PCDHA6: variants seen among roughly 807,000 people sequenced by gnomAD.
PCDHA6 encodes protocadherin alpha-6.
A neutral mutation model predicts 60.3 loss-of-function variants in PCDHA6; 55 were observed. The ratio of observed to expected loss-of-function variants is 0.91; its 90% CI spans 0.73 to 1.14. PCDHA6 has a LOEUF of 1.14. Among genes scored for constraint, PCDHA6 ranks in the 50% most tolerant of loss-of-function variants. PCDHA6 has a pLI of 0.00. For missense variants in PCDHA6, 1,327 were observed against 1,256.5 expected, an observed-to-expected ratio of 1.06 and a Z score of -0.85; for synonymous variants, 652 against 557.9, an observed-to-expected ratio of 1.17 and a Z score of -2.38.
rs143363926 is a variant in PCDHA6 at position 140,919,499 on chromosome 5, C to T, written c.2395-59450C>T. Among the ~76,000 whole-genome samples the T allele has an allele frequency of 1.8e-4, 27 of 152,124 alleles. No homozygotes were observed. In the East Asian group the frequency reaches 5.2e-3, roughly 29 times the overall value. ...TGGATTTATGTTTGTTATTTTACTCCTTTTTCTATATGTTTTAATTCTCTT... is the reference window on the plus strand; with the variant it reads ...TGGATTTATGTTTGTTATTTTACTCTTTTTTCTATATGTTTTAATTCTCTT... On this transcript the variant is annotated intron_variant, in intron 1 of 3. Coordinates refer to ENST00000529310, the MANE Select transcript of PCDHA6 (RefSeq NM_018909.4).
At chr5:140,950,343 A>C (rs1169343189) in intron 1 of PCDHA6, among the ~76,000 whole-genome samples, 9 of 151,988 alleles carry the variant, frequency 5.9e-5, no homozygotes, top group African/African-American at 2.2e-4. Context: ...GATTTATCTT[A>C]GTTTTCCTTT....
chr5:140,868,477 A>T (rs1165630673), intron 1 of PCDHA6: 1 of 152,380 alleles, frequency 6.6e-6, no homozygotes, highest in Non-Finnish European at 1.5e-5. Flanking sequence ...ATAAAACTTC[A>T]ATTTTTTCTT....
chr5:140,980,427 C>T (rs551274468), intron 2 of PCDHA6, among the ~76,000 whole-genome samples: 2 of 152,198 alleles, frequency 1.3e-5, no homozygotes, highest in South Asian at 2.1e-4. Flanking sequence ...GTCAAGAGAT[C>T]GAGACCATCC....
chr5:140,891,122 G>T (rs572236105), intron 1 of PCDHA6, among the ~76,000 whole-genome samples: 1 of 152,256 alleles, frequency 6.6e-6, no homozygotes, highest in East Asian at 1.9e-4. Context: ...CAATCTAAAT[G>T]TCATTCCTTT....
chr5:140,945,948 C>T (rs782232521), intron 1 of PCDHA6, among the ~76,000 whole-genome samples: 6 of 151,900 alleles, frequency 3.9e-5, no homozygotes, highest in Non-Finnish European at 5.9e-5. Context: ...TTTTATATGA[C>T]CCTGAAAGCA....
chr5:140,856,423 T>G (rs1266159746), intron 1 of PCDHA6: 1 of 1,598,178 alleles, frequency 6.3e-7, no homozygotes, highest in East Asian at 2.2e-5. Context: ...TGAAGGACAT[T>G]AACGACAACC....
intron 1 of PCDHA6, chr5:140,884,006 C>T (rs369069323): frequency 1.2e-6 from 2 of 1,612,906 alleles, no homozygotes; most frequent in African/African-American, 2.7e-5. Context: ...AGTGAGCGAG[C>T]TGATGCCGCG....
At chr5:140,843,429 C>T (rs2150359763) in intron 1 of PCDHA6, 1 of 1,596,144 alleles carries the variant, frequency 6.3e-7, no homozygotes, top group Non-Finnish European at 8.6e-7. Context: ...CTGATCATCG[C>T]CATCTGCGCG....
At chr5:140,886,330 T>C (rs1403720039) in intron 1 of PCDHA6, among the ~76,000 whole-genome samples, 1 of 152,192 alleles carries the variant, frequency 6.6e-6, no homozygotes, top group Admixed American at 6.5e-5. Context: ...CTGGGATACA[T>C]GTGCAGAACG....
At position 140,871,233 on chromosome 5, in the gene PCDHA6, G is replaced by A. The variant is rs1277389723; in HGVS notation, c.2394+40748G>A. 5 of 1,613,838 alleles carry A rather than the reference G, an allele frequency of 3.1e-6. No individual in the cohort carries two copies. The African/African-American group carries it at 6.7e-5, about 22-fold the overall frequency. On this transcript the variant is annotated intron_variant, in intron 1 of 3. Transcript: ENST00000529310. ...CCATCTGCGTGGTGTCCAGCCTCCT[G>A]GTACTCACGCTGCTGCTGTATACGG...
At chr5:140,836,493 A>G in intron 1 of PCDHA6, 1 of 1,613,850 alleles carries the variant, frequency 6.2e-7, no homozygotes, top group Non-Finnish European at 8.5e-7. Flanking sequence ...GATCATCGCC[A>G]TCTGCGCGGT....
chr5:140,886,062 C>T (rs925772414), intron 1 of PCDHA6, among the ~76,000 whole-genome samples: 10 of 152,172 alleles, frequency 6.6e-5, no homozygotes, highest in Non-Finnish European at 1.2e-4. Context: ...CTTACAAAAG[C>T]GTAGGGCCAT....
intron 3 of PCDHA6, among the ~76,000 whole-genome samples, chr5:141,005,688 C>T (rs1411519222): frequency 2.8e-5 from 3 of 107,694 alleles, no homozygotes; most frequent in African/African-American, 7.9e-5. Context: ...GGCGACAGAG[C>T]GAAACTCCGT....
chr5:140,933,739 G>A (rs531821370), intron 1 of PCDHA6, among the ~76,000 whole-genome samples: 18 of 151,856 alleles, frequency 1.2e-4, no homozygotes, highest in Admixed American at 3.9e-4. Flanking sequence ...TTAAATATTT[G>A]GTAGAATTCA....
chr5:140,851,970 CTACCTT>C, intron 1 of PCDHA6: 3 of 977,062 alleles, frequency 3.1e-6, no homozygotes, highest in Non-Finnish European at 2.5e-6. Context: ...TTTCCACACT[CTACCTT>C]TAGTGCAAGC....
At chr5:140,989,555 T>G (rs923190578) in intron 3 of PCDHA6, among the ~76,000 whole-genome samples, 1 of 152,204 alleles carries the variant, frequency 6.6e-6, no homozygotes, top group African/African-American at 2.4e-5. Flanking sequence ...CCTTTACGTT[T>G]TGTGGCTCCG....
chr5:140,908,493 G>T (rs545927854), intron 1 of PCDHA6, among the ~76,000 whole-genome samples: 14 of 152,270 alleles, frequency 9.2e-5, no homozygotes, highest in African/African-American at 3.4e-4. Flanking sequence ...AGTTCAGGTT[G>T]CTTGGTGACT....
intron 1 of PCDHA6, chr5:140,841,063 TAAAG>T (rs1776998418): frequency 2.2e-6 from 1 of 461,482 alleles, no homozygotes; most frequent in South Asian, 3.9e-5. Context: ...TAAATTATGA[TAAAG>T]AAATAGAAAG....
intron 1 of PCDHA6, chr5:140,834,122 A>T: frequency 2.3e-6 from 1 of 435,094 alleles, no homozygotes. Flanking sequence ...TTGAAATAAA[A>T]CTTTTCATCT....
Sources: allele counts gnomAD v4.1 joint callset (sites outside exome capture counted in the v4.1 genomes callset), GRCh38; gene constraint gnomAD v4.1.1; transcripts MANE v1.5; gene names NCBI Gene and HGNC (gene_info 2026-07-23, HGNC 2026-07-21).